The following AQP7 variants were observed in gnomAD, a reference collection of about 807,000 sequenced individuals.
The protein encoded by AQP7 is aquaporin 7.
A neutral mutation model predicts 26.1 loss-of-function variants in AQP7; 22 were observed. That is an observed-to-expected ratio of 0.84 (90% CI 0.60 to 1.20). The LOEUF (loss-of-function observed/expected upper bound fraction) is 1.20. Among genes scored for constraint, AQP7 ranks in the 50% most tolerant of loss-of-function variants. AQP7 has a pLI of 0.00. For missense variants in AQP7, 412 were observed against 457.5 expected (o/e 0.90, Z 0.91); for synonymous variants, 167 against 181.7 (o/e 0.92, Z 0.65).
Position 33,385,817 on chromosome 9 carries a change from T to G in AQP7, c.575A>C (p.Gln192Pro), listed in dbSNP as rs62542745. 4 of 1,612,490 alleles carry G rather than the reference T, an allele frequency of 2.5e-6. No homozygotes were observed. In the East Asian group the frequency reaches 8.9e-5, roughly 36 times the overall value. ...TCCTGGCAGTGCTGGGTTGTTCTCC[T>G]GGTCCGTGATGGCGAAGAGACACAG... ...LQLCLFAITD[Q>P]ENNPALPGTE... Residue 192 changes from glutamine (Q) to proline (P), a missense_variant, in exon 7 of 8, where the codon CAG becomes CCG. Transcript: ENST00000297988.
intron 3 of AQP7, among the ~76,000 whole-genome samples, chr9:33,389,818 C>G (rs1825212172): frequency 6.6e-6 from 1 of 152,118 alleles, no homozygotes; most frequent in South Asian, 2.1e-4. Context: ...GGATGGATCA[C>G]TTTAGGTCAG....
intron 2 of AQP7, among the ~76,000 whole-genome samples, chr9:33,398,677 T>C (rs914876142): frequency 2.0e-5 from 3 of 152,108 alleles, no homozygotes; most frequent in Non-Finnish European, 4.4e-5. Flanking sequence ...TCTGGGCATG[T>C]TGAGTGTGAG....
Position 33,384,701 on chromosome 9 carries a change from A to C in AQP7, c.*304T>G. 1 of 280,382 alleles carries C rather than the reference A, an allele frequency of 3.6e-6. No homozygotes were observed. The highest frequency in any genetic ancestry group is 6.7e-6 in the Non-Finnish European group (1 of 150,088). The allele number at this position is 280,382 out of a possible 1,614,324, so 17.4% of individuals were successfully genotyped here. A position where few individuals can be genotyped will look rare whatever the true frequency, so the allele number is the denominator to read the frequency against. On this transcript the variant is annotated 3_prime_UTR_variant, in exon 8 of 8. Coordinates refer to ENST00000297988, the MANE Select transcript of AQP7 (RefSeq NM_001170.3). ...ACCAGTCAGCTACGGTCTGTTCCCCAAAACCACCCTTCCTTCCCCCGTGCC... is the reference window on the plus strand; with the variant it reads ...ACCAGTCAGCTACGGTCTGTTCCCCCAAACCACCCTTCCTTCCCCCGTGCC...
At chr9:33,399,449 T>A (rs1352928467) in intron 2 of AQP7, among the ~76,000 whole-genome samples, 2 of 148,254 alleles carry the variant, frequency 1.3e-5, no homozygotes, top group African/African-American at 5.2e-5. Flanking sequence ...AAAAAAAAAA[T>A]TAGCTGGGCA....
chr9:33,386,225 T>G, intron 5 of AQP7, 30 bp from the exon 6 acceptor site: 1 of 1,613,590 alleles, frequency 6.2e-7, no homozygotes, highest in Non-Finnish European at 8.5e-7. Flanking sequence ...CATGCGAACC[T>G]GCTCCCAACT....
Position 33,387,060 on chromosome 9 carries a change from A to C in AQP7, c.177T>G (p.Val59=). 1 of 1,611,898 alleles carries C rather than the reference A, an allele frequency of 6.2e-7. No homozygotes were observed. The highest frequency in any genetic ancestry group is 8.5e-7 in the Non-Finnish European group (1 of 1,179,810). Residue 59 remains valine (V), a synonymous_variant, in exon 4 of 8, where the codon GTT becomes GTG. Coordinates refer to ENST00000297988, the MANE Select transcript of AQP7 (RefSeq NM_001170.3). ...GGTAGCTCCCATATTTTTTATTTAG[A>C]ACCATATGGGCCACGGAACCAAGGC... The part of the protein sequence containing the change: ...VFGLGSVAHM[V]LNKKYGSYLG...
chr9:33,398,243 A>G (rs1825992201), intron 2 of AQP7, among the ~76,000 whole-genome samples: 1 of 151,556 alleles, frequency 6.6e-6, no homozygotes, highest in Non-Finnish European at 1.5e-5. Flanking sequence ...AATGTGCAGG[A>G]ATGGGCTGGC....
chr9:33,395,180 G>T lies in AQP7; in HGVS notation c.42C>A (p.Ser14=), dbSNP rs1403427057. Residue 14 remains serine (S), a synonymous_variant, in exon 3 of 8, where the codon TCC becomes TCA. Coordinates refer to ENST00000297988, the MANE Select transcript of AQP7 (RefSeq NM_001170.3). ...ASGHRRSTRG[S]KMVSWSVIAK... ...CTATCACGGACCAGGAGACCATTTT[G>T]GAGCCACGGGTGGACCTAAGACAGT... 3 of 1,613,860 alleles carry T rather than the reference G, an allele frequency of 1.9e-6. No homozygotes were observed. Among genetic ancestry groups the T allele is most frequent in the Non-Finnish European group, 2.5e-6 (3 of 1,179,780 alleles).
chr9:33,400,021 C>G (rs756852315), intron 2 of AQP7, among the ~76,000 whole-genome samples: 2 of 152,004 alleles, frequency 1.3e-5, no homozygotes, highest in African/African-American at 4.8e-5. Context: ...AGTGGACTTG[C>G]AGGGGGCGGA....
chr9:33,385,475 C>G (rs898032501), intron 7 of AQP7, 174 bp downstream of exon 7: 2 of 993,066 alleles, frequency 2.0e-6, no homozygotes, highest in Non-Finnish European at 3.0e-6. Context: ...AGTGCAGGTG[C>G]AGGATCTGTA....
At chr9:33,396,426 G>A (rs1319529868) in intron 2 of AQP7, among the ~76,000 whole-genome samples, 5 of 119,130 alleles carry the variant, frequency 4.2e-5, no homozygotes, top group East Asian at 2.5e-4. Flanking sequence ...CAACAAGAGC[G>A]AGACTCCATC....
chr9:33,402,207 G>A (rs1189861738), intron 1 of AQP7, among the ~76,000 whole-genome samples, 166 bp downstream of exon 1: 1 of 152,136 alleles, frequency 6.6e-6, no homozygotes, highest in Non-Finnish European at 1.5e-5. Context: ...AGCAACACAG[G>A]ACTGCACCAT....
At position 33,384,849 on chromosome 9, in the gene AQP7, C is replaced by G; in HGVS notation, c.*156G>C. ...CCAGGGCATGAAAGACTTGAGGTGC[C>G]TCACCTCTACACCTTGGGCTAAGAC... On this transcript the variant is annotated 3_prime_UTR_variant, in exon 8 of 8. Transcript: ENST00000297988. 1.2e-6 allele frequency: 1 copy of G among 865,382 alleles called. No homozygotes were observed. Among genetic ancestry groups the G allele is most frequent in the Non-Finnish European group, 1.8e-6 (1 of 562,854 alleles). The allele number at this position is 865,382 out of a possible 1,614,324, so 53.6% of individuals were successfully genotyped here.
At position 33,384,726 on chromosome 9, in the gene AQP7, C is replaced by G. The variant is rs1274185025; in HGVS notation, c.*279G>C. 1 of 334,180 alleles carries G rather than the reference C, an allele frequency of 3.0e-6. No individual in the cohort carries two copies. The highest frequency in any genetic ancestry group is 5.4e-6 in the Non-Finnish European group (1 of 184,346). 20.7% of individuals were successfully genotyped at this position (334,180 alleles called of 1,614,324 possible). On this transcript the variant is annotated 3_prime_UTR_variant, in exon 8 of 8. Transcript: ENST00000297988. ...AAAACCACCCTTCCTTCCCCCGTGC[C>G]TGAAAATCCCTCATTCTGTCGTTCT...
At chr9:33,395,488 G>A (rs2118846833) in intron 2 of AQP7, 1 of 401,642 alleles carries the variant, frequency 2.5e-6, no homozygotes, top group South Asian at 3.0e-5. Flanking sequence ...GGAGCTGAAA[G>A]TGCAATCCAC....
intron 2 of AQP7, chr9:33,401,014 C>G (rs1198573308): frequency 1.7e-6 from 1 of 582,628 alleles, no homozygotes; most frequent in South Asian, 2.0e-5. Flanking sequence ...TGACCCTCAT[C>G]CAAGTATTTC....
In AQP7 at chr9:33,386,852, C is replaced by T. The variant is rs561171980; in HGVS notation, c.268+117G>A. On this transcript the variant is annotated intron_variant, in intron 4 of 7. Coordinates refer to ENST00000297988, the MANE Select transcript of AQP7 (RefSeq NM_001170.3). The stretch of plus-strand genomic sequence containing the variant: ...GGTTCAGAGGAGACTTCCTCCCGCC[C>T]GGTGGCCAGGCTGAGGCACTGGCTG... 5.9e-5 allele frequency: 86 copies of T among 1,467,474 alleles called. No homozygotes were observed. In the East Asian group the frequency reaches 6.2e-4, roughly 11 times the overall value. The allele number at this position is 1,467,474 out of a possible 1,614,324, so 90.9% of individuals were successfully genotyped here. A position where few individuals can be genotyped will look rare whatever the true frequency, so the allele number is the denominator to read the frequency against.
intron 3 of AQP7, among the ~76,000 whole-genome samples, chr9:33,392,139 C>T (rs542858003): frequency 2.9e-4 from 44 of 152,038 alleles, no homozygotes; most frequent in Non-Finnish European, 5.7e-4. Context: ...CATGGTGAAA[C>T]CTCGTCTTTC....
chr9:33,386,278 G>A, intron 5 of AQP7, 83 bp from the exon 6 acceptor site: 1 of 1,602,078 alleles, frequency 6.2e-7, no homozygotes, highest in Non-Finnish European at 8.5e-7. Flanking sequence ...AGGTTAGAGG[G>A]TGGGGGATCT....
Sources: allele counts gnomAD v4.1 joint callset (sites outside exome capture counted in the v4.1 genomes callset), GRCh38; gene constraint gnomAD v4.1.1; transcripts MANE v1.5; gene names NCBI Gene and HGNC (gene_info 2026-07-23, HGNC 2026-07-21).